Variants in RAB2A observed in about 807,000 individuals in gnomAD.
The protein encoded by RAB2A is RAB2A, member RAS oncogene family.
RAB2A carries 7 observed loss-of-function variants against 32.5 expected under a neutral mutation model. That is an observed-to-expected ratio of 0.22 (90% CI 0.12 to 0.40). The LOEUF (loss-of-function observed/expected upper bound fraction) is 0.40. Ranked by LOEUF, RAB2A falls within the 10% of genes least tolerant of loss-of-function variation. The pLI, the probability that RAB2A is intolerant of heterozygous loss-of-function variation, is 1.00. For synonymous variants in RAB2A, 79 were observed against 85.2 expected (o/e 0.93, Z 0.40); for missense variants, 108 against 260.7 (o/e 0.41, Z 4.03).
Position 60,621,707 on chromosome 8 carries a change from C to T in RAB2A, c.*938C>T, listed in dbSNP as rs1300729132. The T allele has an allele frequency of 6.6e-6, 1 of 151,958 alleles. No homozygotes were observed. The highest frequency in any genetic ancestry group is 1.5e-5 in the Non-Finnish European group (1 of 67,968). 9.4% of individuals were successfully genotyped at this position (151,958 alleles called of 1,614,324 possible). On this transcript the variant is annotated 3_prime_UTR_variant, in exon 8 of 8. Coordinates refer to ENST00000262646, the MANE Select transcript of RAB2A (RefSeq NM_002865.3). The stretch of plus-strand genomic sequence containing the variant: ...ATAATGTTTTCTTTTTTCTTTTATT[C>T]ACATGATTTCTAAGTATATTTTTCA...
At chr8:60,540,960 T>C (rs1446263417) in intron 1 of RAB2A, among the ~76,000 whole-genome samples, 3 of 152,206 alleles carry the variant, frequency 2.0e-5, no homozygotes, top group African/African-American at 7.2e-5. Context: ...CTGTGCATAG[T>C]AATTTCCTTC....
chr8:60,533,277 G>A (rs914961157), intron 1 of RAB2A, among the ~76,000 whole-genome samples: 4 of 152,216 alleles, frequency 2.6e-5, no homozygotes, highest in African/African-American at 9.7e-5. Flanking sequence ...GACCTCAACT[G>A]CAATTCAGTT....
intron 6 of RAB2A, among the ~76,000 whole-genome samples, chr8:60,605,832 C>CATATACATATATATATATATAT (rs1804220036): frequency 1.7e-5 from 2 of 120,806 alleles, no homozygotes; most frequent in African/African-American, 7.7e-5. Context: ...GGGACTAATA[C>CATATACATATATATATATATAT]ATATATACAT....
intron 1 of RAB2A, among the ~76,000 whole-genome samples, chr8:60,531,582 C>G (rs1411694203): frequency 6.6e-6 from 1 of 152,068 alleles, no homozygotes; most frequent in Non-Finnish European, 1.5e-5. Context: ...GTTGGTCTTG[C>G]CTATAGAAAA....
intron 1 of RAB2A, among the ~76,000 whole-genome samples, chr8:60,536,777 A>G (rs1002375357): frequency 3.3e-5 from 5 of 152,228 alleles, no homozygotes; most frequent in Admixed American, 3.3e-4. Context: ...TAGCAAATGT[A>G]TTGATTACAA....
intron 6 of RAB2A, among the ~76,000 whole-genome samples, chr8:60,613,542 A>C (rs1285367883): frequency 1.3e-5 from 2 of 152,188 alleles, no homozygotes; most frequent in Non-Finnish European, 1.5e-5. Context: ...CTCATTTTAC[A>C]GAGAGGCTAA....
At chr8:60,532,344 TTTAC>T (rs1563460315) in intron 1 of RAB2A, among the ~76,000 whole-genome samples, 1 of 152,216 alleles carries the variant, frequency 6.6e-6, no homozygotes, top group South Asian at 2.1e-4. Context: ...TGCTCAAGGC[TTTAC>T]TTGACACAAA....
chr8:60,520,483 A>C (rs917536076), intron 1 of RAB2A, among the ~76,000 whole-genome samples: 6 of 152,226 alleles, frequency 3.9e-5, no homozygotes, highest in African/African-American at 1.4e-4. Context: ...CCTTATCACT[A>C]ACCCTCCCTG....
chr8:60,591,426 A>C (rs1050831377), intron 5 of RAB2A, among the ~76,000 whole-genome samples: 1 of 152,168 alleles, frequency 6.6e-6, no homozygotes, highest in Non-Finnish European at 1.5e-5. Context: ...GATTTTCTAA[A>C]CAATTTCCTG....
chr8:60,580,677 A>C (rs1028708978), intron 3 of RAB2A, among the ~76,000 whole-genome samples: 15 of 152,318 alleles, frequency 9.8e-5, no homozygotes, highest in African/African-American at 3.6e-4. Context: ...GTCTAGATTC[A>C]AATGTATTGT....
intron 3 of RAB2A, among the ~76,000 whole-genome samples, chr8:60,579,688 C>T (rs933435637): frequency 1.3e-5 from 2 of 151,506 alleles, no homozygotes; most frequent in East Asian, 1.9e-4. Flanking sequence ...AGTGCGGTGG[C>T]GCAGTCTTGG....
intron 7 of RAB2A, among the ~76,000 whole-genome samples, chr8:60,620,266 T>C (rs1293529909): frequency 6.6e-6 from 1 of 152,260 alleles, no homozygotes; most frequent in Non-Finnish European, 1.5e-5. Flanking sequence ...GCCCTTAGCC[T>C]GTACAGCTGA....
intron 1 of RAB2A, among the ~76,000 whole-genome samples, chr8:60,523,964 A>G (rs1445585318): frequency 2.6e-5 from 4 of 152,076 alleles, no homozygotes; most frequent in African/African-American, 9.7e-5. Flanking sequence ...TTTGCTTTAT[A>G]TATATTATTG....
At chr8:60,611,596 A>T (rs1307232707) in intron 6 of RAB2A, among the ~76,000 whole-genome samples, 2 of 152,250 alleles carry the variant, frequency 1.3e-5, no homozygotes, top group Non-Finnish European at 2.9e-5. Context: ...GCCTGGTACA[A>T]ATCAAGCACT....
chr8:60,558,575 T>C (rs772003118), intron 1 of RAB2A: 33 of 499,520 alleles, frequency 6.6e-5, no homozygotes, highest in Non-Finnish European at 1.2e-4. Context: ...CAGAAGGACC[T>C]GGTTAGTTGT....
Position 60,622,705 on chromosome 8 carries a change from A to G in RAB2A, c.*1936A>G, listed in dbSNP as rs552535426. The G allele has an allele frequency of 1.4e-4, 21 of 152,328 alleles. No individual in the cohort carries two copies. In the South Asian group the frequency reaches 3.9e-3, roughly 29 times the overall value. 9.4% of individuals were successfully genotyped at this position (152,328 alleles called of 1,614,324 possible). ...AAGAAGAGAACTTAATGGCAAATAA[A>G]CAACAAACCAGGACATGCATTTTAA... On this transcript the variant is annotated 3_prime_UTR_variant, in exon 8 of 8. Transcript: ENST00000262646.
chr8:60,543,395 C>G (rs545832783), intron 1 of RAB2A, among the ~76,000 whole-genome samples: 1 of 147,340 alleles, frequency 6.8e-6, no homozygotes, highest in South Asian at 2.1e-4. Context: ...TAACTGTACT[C>G]TCTATCCCTG....
intron 6 of RAB2A, among the ~76,000 whole-genome samples, chr8:60,616,226 A>G (rs1008376793): frequency 1.3e-5 from 2 of 152,256 alleles, no homozygotes. Context: ...TTTATGTAGC[A>G]TCACTTTCTT....
chr8:60,534,846 C>G (rs762862115), intron 1 of RAB2A, among the ~76,000 whole-genome samples: 2 of 152,148 alleles, frequency 1.3e-5, no homozygotes, highest in Non-Finnish European at 2.9e-5. Context: ...TCCCCATTCT[C>G]TAAGTGGGGC....
Sources: gnomAD v4.1 joint callset for allele counts (sites outside exome capture counted in the v4.1 genomes callset) on GRCh38, gnomAD v4.1.1 for gene constraint, MANE v1.5 for transcripts, NCBI Gene and HGNC (gene_info 2026-07-23, HGNC 2026-07-21) for gene names.